Variants in PPP2R2B observed in about 807,000 individuals in gnomAD.
The protein encoded by PPP2R2B is serine/threonine-protein phosphatase 2A 55 kDa regulatory subunit B beta isoform.
PPP2R2B carries 5 observed loss-of-function variants against 46.0 expected under a neutral mutation model. The observed-to-expected ratio is 0.11, with a 90% CI of 0.06 to 0.23. The LOEUF (loss-of-function observed/expected upper bound fraction) is 0.23, where lower values mean the gene tolerates loss of function less well. Among genes scored for constraint, PPP2R2B ranks in the 10% least tolerant of loss-of-function variants. The probability of loss-of-function intolerance (pLI) is 1.00; values close to 1 mark genes in which losing one functional copy is unlikely to be tolerated. For missense variants in PPP2R2B, 367 were observed against 575.0 expected (o/e 0.64, Z 3.70); for synonymous variants, 215 against 206.7 (o/e 1.04, Z -0.34).
rs899992216 is a variant in PPP2R2B, at chr5:146,585,719, G to A, written c.*4228C>T. 1 of 152,176 alleles carries A rather than the reference G, an allele frequency of 6.6e-6. No homozygotes were observed. The highest frequency in any genetic ancestry group is 6.5e-5 in the Admixed American group (1 of 15,276). The allele number at this position is 152,176 out of a possible 1,614,324, so 9.4% of individuals were successfully genotyped here. ...GAGAGGAGATAATGAGATGAGGCAT[G>A]GAAAGCAATAGTATATTACCCATCA... On this transcript the variant is annotated 3_prime_UTR_variant, in exon 10 of 10. Transcript: ENST00000394411.
At chr5:147,048,768 C>T (rs1756652558) in intron 1 of PPP2R2B, among the ~76,000 whole-genome samples, 1 of 152,120 alleles carries the variant, frequency 6.6e-6, no homozygotes, top group African/African-American at 2.4e-5. Context: ...TTTTGAAACC[C>T]ATTTCCCCTA....
At chr5:146,670,009 T>C (rs910126000) in intron 5 of PPP2R2B, among the ~76,000 whole-genome samples, 3 of 152,224 alleles carry the variant, frequency 2.0e-5, no homozygotes, top group Admixed American at 2.0e-4. Flanking sequence ...AAACTCAATG[T>C]CAGAATCATA....
At chr5:146,687,256 A>G (rs1482374695) in intron 5 of PPP2R2B, among the ~76,000 whole-genome samples, 1 of 152,210 alleles carries the variant, frequency 6.6e-6, no homozygotes, top group African/African-American at 2.4e-5. Flanking sequence ...TGGAATAACC[A>G]GTTGAGGGAT....
At chr5:146,593,366 T>A (rs1770850159) in intron 8 of PPP2R2B, among the ~76,000 whole-genome samples, 1 of 152,222 alleles carries the variant, frequency 6.6e-6, no homozygotes, top group South Asian at 2.1e-4. Flanking sequence ...GCATTAGAGA[T>A]CACCATTCAT....
chr5:146,863,350 G>GA (rs1373146376), intron 2 of PPP2R2B, among the ~76,000 whole-genome samples: 3 of 152,102 alleles, frequency 2.0e-5, no homozygotes, highest in Non-Finnish European at 4.4e-5. Context: ...GGGTTCTAGG[G>GA]AAGCTCTTCT....
chr5:146,992,903 C>T (rs1468495127), intron 1 of PPP2R2B, among the ~76,000 whole-genome samples: 1 of 152,160 alleles, frequency 6.6e-6, no homozygotes, highest in Non-Finnish European at 1.5e-5. Flanking sequence ...ATTCAGTGAA[C>T]ACCTGAATTC....
rs369244924 is a variant in PPP2R2B, at chr5:146,934,577, T to C, written c.79+121088A>G. Among the ~76,000 whole-genome samples the C allele has an allele frequency of 1.4e-4, 17 of 120,364 alleles. 1 individual carries two copies. The East Asian group carries it at 2.2e-3, about 15-fold the overall frequency. The allele number at this position is 120,364 out of a possible 152,430, so 79.0% of individuals were successfully genotyped here. A position where few individuals can be genotyped will look rare whatever the true frequency, so the allele number is the denominator to read the frequency against. On this transcript the variant is annotated intron_variant, in intron 1 of 8. Coordinates refer to the PPP2R2B transcript ENST00000336640. ...TCCTAGAGTTAGAAGAGGTAGTTTT[T>C]CATAAGAAAAAAAAAAAAAAAAAAA...
At chr5:146,862,725 G>A (rs1349444294) in intron 2 of PPP2R2B, among the ~76,000 whole-genome samples, 1 of 151,410 alleles carries the variant, frequency 6.6e-6, no homozygotes, top group African/African-American at 2.4e-5. Context: ...AGAAAACTGT[G>A]AACAGACTAA....
chr5:146,843,480 T>C (rs1043082111), intron 2 of PPP2R2B, among the ~76,000 whole-genome samples: 2 of 152,224 alleles, frequency 1.3e-5, no homozygotes, highest in African/African-American at 4.8e-5. Flanking sequence ...TTAGATCTTA[T>C]TTTATACATT....
At chr5:146,914,521 C>T (rs1763308196) in intron 1 of PPP2R2B, 1 of 152,200 alleles carries the variant, frequency 6.6e-6, no homozygotes, top group Non-Finnish European at 1.5e-5. Context: ...CTTTAGTATG[C>T]ATCTGTATCA....
chr5:146,607,186 A>G (rs1004657792), intron 7 of PPP2R2B: 1 of 152,214 alleles, frequency 6.6e-6, no homozygotes, highest in East Asian at 1.9e-4. Flanking sequence ...AATTTTGCCC[A>G]GTGAGAGAAA....
chr5:146,869,504 G>A (rs573305776), intron 2 of PPP2R2B, among the ~76,000 whole-genome samples: 7 of 152,296 alleles, frequency 4.6e-5, no homozygotes, highest in East Asian at 1.9e-4. Context: ...TCTTGAAGAC[G>A]TATCACTAGT....
chr5:146,831,498 C>CAAAAAAAAAA, intron 2 of PPP2R2B, among the ~76,000 whole-genome samples: 2 of 54,948 alleles, frequency 3.6e-5, no homozygotes, highest in Non-Finnish European at 6.1e-5. Context: ...CTCCATCTCT[C>CAAAAAAAAAA]AAAAAAAAAA....
chr5:147,038,967 T>A (rs1052913321), intron 1 of PPP2R2B, among the ~76,000 whole-genome samples: 2 of 152,184 alleles, frequency 1.3e-5, no homozygotes, highest in African/African-American at 2.4e-5. Flanking sequence ...TGATTTTTTT[T>A]AAACACAACT....
At chr5:146,707,668 T>C (rs1415543663) in intron 2 of PPP2R2B, 1 of 563,096 alleles carries the variant, frequency 1.8e-6, no homozygotes, top group Non-Finnish European at 3.2e-6. Context: ...AGAAGCTGCT[T>C]CTTGGTAGAA....
At chr5:146,908,376 A>G (rs1763069105) in intron 1 of PPP2R2B, among the ~76,000 whole-genome samples, 1 of 152,184 alleles carries the variant, frequency 6.6e-6, no homozygotes, top group Admixed American at 6.5e-5. Flanking sequence ...ACAGGCACAC[A>G]TATTCTACTA....
intron 2 of PPP2R2B, among the ~76,000 whole-genome samples, chr5:147,078,300 T>C (rs1017386514): frequency 6.6e-6 from 1 of 152,154 alleles, no homozygotes; most frequent in Non-Finnish European, 1.5e-5. Context: ...CTTAAGCAAA[T>C]AATAAACCTG....
rs1773405819 is a variant in PPP2R2B, at chr5:146,618,518, T to C, written c.791-18058A>G. On this transcript the variant is annotated intron_variant, in intron 7 of 9. Coordinates refer to ENST00000394411, the MANE Select transcript of PPP2R2B (RefSeq NM_181675.4). ...ATTTGTTACAGCAGTGATAGAAAAC[T>C]ATCCTCCTCCGTTTGTCAACAAAGG... 2.0e-5 allele frequency among the ~76,000 whole-genome samples: 3 copies of C among 152,244 alleles called. No individual in the cohort carries two copies. The South Asian group carries it at 6.2e-4, about 31-fold the overall frequency.
Position 146,638,279 on chromosome 5 carries a change from T to A in PPP2R2B, c.762A>T (p.Ala254=), listed in dbSNP as rs1328067197. Residue 254 remains alanine, a synonymous_variant, in exon 7 of 10, where the codon GCA becomes GCT. Transcript: ENST00000394411. ...KGTIRLCDMR[A]SALCDRHTKF... ...TGGTGTGCCTGTCACACAGGGCAGA[T>A]GCCCGCATGTCACACAGCCGGATTG... The A allele has an allele frequency of 3.1e-6, 5 of 1,613,934 alleles. No homozygotes were observed. In the African/African-American group the frequency reaches 4.0e-5, roughly 13 times the overall value.
Sources: gnomAD v4.1 joint callset for allele counts (sites outside exome capture counted in the v4.1 genomes callset) on GRCh38, gnomAD v4.1.1 for gene constraint, MANE v1.5 for transcripts, NCBI Gene and HGNC (gene_info 2026-07-23, HGNC 2026-07-21) for gene names.